The following RASEF variants were observed in gnomAD, a reference collection of about 807,000 sequenced individuals.
RASEF encodes ras and EF-hand domain-containing protein.
A neutral mutation model predicts 90.1 loss-of-function variants in RASEF; 68 were observed. The ratio of observed to expected loss-of-function variants is 0.75; its 90% confidence interval spans 0.62 to 0.92. The LOEUF is 0.92. Ranked by LOEUF, RASEF falls within the 40% of genes least tolerant of loss-of-function variation. The pLI, the probability that RASEF is intolerant of heterozygous loss-of-function variation, is 0.00. For missense variants in RASEF, 949 were observed against 937.2 expected (o/e 1.01, Z -0.16); for synonymous variants, 331 against 345.2 (o/e 0.96, Z 0.46).
At chr9:83,179,370 C>T in the RASEF span, among the ~76,000 whole-genome samples, 1 of 152,174 alleles carries the variant, frequency 6.6e-6, no homozygotes, top group Non-Finnish European at 1.5e-5. Context: ...ATACACCCTA[C>T]CCTCTAGTCC....
rs745694312 is a variant in RASEF, at chr9:83,000,430, T to C, written c.1575+3A>G. ...GAATAGGAGTGTCTCGGAGACCACCTACCTGGGGCGAGAGTGCTGAGATGG... is the reference window on the plus strand; with the variant it reads ...GAATAGGAGTGTCTCGGAGACCACCCACCTGGGGCGAGAGTGCTGAGATGG... On this transcript the variant is annotated splice_donor_region_variant and intron_variant, in intron 11 of 16. Coordinates refer to ENST00000376447, the MANE Select transcript of RASEF (RefSeq NM_152573.4). 1.2e-6 allele frequency: 2 copies of C among 1,613,770 alleles called. No individual in the cohort carries two copies. Among genetic ancestry groups the C allele is most frequent in the African/African-American group, 1.3e-5 (1 of 75,018 alleles).
chr9:83,143,916 A>G, the RASEF span, among the ~76,000 whole-genome samples: 5 of 152,168 alleles, frequency 3.3e-5, no homozygotes, highest in African/African-American at 7.2e-5. Flanking sequence ...GTGCCCATCA[A>G]TGGTAGACTG....
chr9:83,030,814 C>T (rs1192345249), intron 1 of RASEF, among the ~76,000 whole-genome samples: 2 of 152,198 alleles, frequency 1.3e-5, no homozygotes, highest in Non-Finnish European at 2.9e-5. Flanking sequence ...TCTAAAATCG[C>T]TTACAAAATC....
At chr9:83,164,272 T>C in the RASEF span, among the ~76,000 whole-genome samples, 1 of 148,896 alleles carries the variant, frequency 6.7e-6, no homozygotes, top group Admixed American at 6.7e-5. Flanking sequence ...TATTCTTAAT[T>C]GACCTAACAG....
intron 1 of RASEF, chr9:83,048,624 T>G (rs993915594): frequency 1.0e-6 from 1 of 985,350 alleles, no homozygotes; most frequent in African/African-American, 1.7e-5. Flanking sequence ...GAGTTTCTTC[T>G]GTGGGAAAAT....
Position 83,022,393 on chromosome 9 carries a change from C to T in RASEF, c.612G>A (p.Glu204=). 1 of 1,614,136 alleles carries T rather than the reference C, an allele frequency of 6.2e-7. No individual in the cohort carries two copies. The highest frequency in any genetic ancestry group is 8.5e-7 in the Non-Finnish European group (1 of 1,179,996). The change falls in exon 3 of 17, where the codon GAG becomes GAA. Residue 204 remains glutamate, a synonymous_variant. Coordinates refer to ENST00000376447, the MANE Select transcript of RASEF (RefSeq NM_152573.4). The part of the protein sequence containing the change: ...AQDKAAMQLS[E]LEEEMDQRIQ... Reference sequence around the variant, plus strand: ...TCCTCTGATCCATTTCCTCTTCCAACTCACTCAACTGCATAGCTGCCTTGT... The same window carrying T: ...TCCTCTGATCCATTTCCTCTTCCAATTCACTCAACTGCATAGCTGCCTTGT...
intron 3 of RASEF, among the ~76,000 whole-genome samples, chr9:83,016,672 T>C (rs557281888): frequency 6.6e-6 from 1 of 152,094 alleles, no homozygotes; most frequent in Non-Finnish European, 1.5e-5. Flanking sequence ...TCAGGCATTC[T>C]AGCAGAGAAG....
At chr9:83,147,567 T>A in the RASEF span, among the ~76,000 whole-genome samples, 7 of 152,120 alleles carry the variant, frequency 4.6e-5, no homozygotes, top group African/African-American at 1.4e-4. Flanking sequence ...TAAGCACTTT[T>A]GGGCTCTGGC....
the RASEF span, among the ~76,000 whole-genome samples, chr9:83,108,653 C>A: frequency 6.6e-6 from 1 of 152,168 alleles, no homozygotes; most frequent in Non-Finnish European, 1.5e-5. Context: ...GCACAGTCAT[C>A]GAACTTCAAC....
chr9:83,092,629 T>A, the RASEF span, among the ~76,000 whole-genome samples: 1 of 152,146 alleles, frequency 6.6e-6, no homozygotes, highest in South Asian at 2.1e-4. Context: ...TAGCGAGATT[T>A]ATTGCAAAGA....
At chr9:83,096,608 G>C in the RASEF span, among the ~76,000 whole-genome samples, 1 of 152,014 alleles carries the variant, frequency 6.6e-6, no homozygotes, top group Admixed American at 6.6e-5. Flanking sequence ...ACCTACAGGG[G>C]GAAACAAGGA....
chr9:83,200,586 G>T, the RASEF span, among the ~76,000 whole-genome samples: 4 of 152,082 alleles, frequency 2.6e-5, no homozygotes, highest in Non-Finnish European at 5.9e-5. Context: ...TCCTTCCAAT[G>T]CTATTGTCTC....
chr9:83,092,003 C>CCTTTTTTTTTTTTTTTTTTTTTTTTTTT, the RASEF span, among the ~76,000 whole-genome samples: 1 of 35,920 alleles, frequency 2.8e-5, no homozygotes, highest in Non-Finnish European at 5.3e-5. Flanking sequence ...TCTTTTATTT[C>CCTTTTTTTTTTTTTTTTTTTTTTTTTTT]TTTTTTTTTT....
intron 15 of RASEF, among the ~76,000 whole-genome samples, chr9:82,992,551 T>G (rs976844185): frequency 3.3e-5 from 5 of 152,182 alleles, no homozygotes; most frequent in Non-Finnish European, 7.3e-5. Flanking sequence ...AGCCATCTTT[T>G]CAAAATAGGA....
the RASEF span, among the ~76,000 whole-genome samples, chr9:83,080,208 G>T: frequency 6.6e-6 from 1 of 152,208 alleles, no homozygotes; most frequent in African/African-American, 2.4e-5. Flanking sequence ...ACAGGTGAGA[G>T]TGGAGAACAG....
Position 83,062,661 on chromosome 9 carries a change from A to C in RASEF, c.207T>G (p.Arg69=). 1 of 1,569,848 alleles carries C rather than the reference A, an allele frequency of 6.4e-7. No homozygotes were observed. Among genetic ancestry groups the C allele is most frequent in the Non-Finnish European group, 8.6e-7 (1 of 1,165,804 alleles). Residue 69 remains arginine (R), a synonymous_variant, in exon 1 of 17, where the codon CGT becomes CGG. Coordinates refer to ENST00000376447, the MANE Select transcript of RASEF (RefSeq NM_152573.4). ...DGAITFQEFA[R]GFLGSLRGGR... ...CCCCGCGGAGGGACCCGAGGAAGCC[A>C]CGCGCGAACTCCTGGAAGGTGATGG...
the RASEF span, among the ~76,000 whole-genome samples, chr9:83,151,375 T>C: frequency 2.6e-5 from 4 of 152,080 alleles, no homozygotes; most frequent in Non-Finnish European, 5.9e-5. Flanking sequence ...TGGTGACTGA[T>C]TGAATATGCA....
the RASEF span, among the ~76,000 whole-genome samples, chr9:83,125,952 C>T: frequency 6.6e-6 from 1 of 152,304 alleles, no homozygotes; most frequent in African/African-American, 2.4e-5. Flanking sequence ...TGAACCAGTG[C>T]TATGAAGGCA....
the RASEF span, among the ~76,000 whole-genome samples, chr9:83,117,435 A>T: frequency 1.3e-5 from 2 of 152,206 alleles, no homozygotes; most frequent in Non-Finnish European, 2.9e-5. Flanking sequence ...CAACCTCAGG[A>T]TCATTCCACC....
Sources: allele counts gnomAD v4.1 joint callset (sites outside exome capture counted in the v4.1 genomes callset), GRCh38; gene constraint gnomAD v4.1.1; transcripts MANE v1.5; gene names NCBI Gene and HGNC (gene_info 2026-07-23, HGNC 2026-07-21).